Variants in STAMBPL1 observed in about 807,000 individuals in gnomAD.
STAMBPL1 encodes STAM binding protein like 1.
STAMBPL1 carries 44 observed loss-of-function variants against 52.9 expected under a neutral mutation model. The observed-to-expected ratio is 0.83, with a 90% CI of 0.65 to 1.07. The LOEUF is 1.07. Among genes scored for constraint, STAMBPL1 ranks in the 50% least tolerant of loss-of-function variants. STAMBPL1 has a pLI of 0.00. For missense variants in STAMBPL1, 511 were observed against 520.8 expected (o/e 0.98, Z 0.18); for synonymous variants, 164 against 177.3 (o/e 0.92, Z 0.60).
At chr10:88,884,802 CAAT>C (rs921750797) in intron 1 of STAMBPL1, among the ~76,000 whole-genome samples, 3 of 152,186 alleles carry the variant, frequency 2.0e-5, no homozygotes, top group African/African-American at 4.8e-5. Context: ...AAGTTTATCT[CAAT>C]GATGATGGAG....
chr10:88,901,781 C>CA, intron 2 of STAMBPL1, 43 bp downstream of exon 2: 1 of 1,586,600 alleles, frequency 6.3e-7, no homozygotes, highest in Non-Finnish European at 8.6e-7. Context: ...TTGGAAAGCC[C>CA]AAAAAGAAGA....
At chr10:88,896,074 A>G (rs1248805524) in intron 1 of STAMBPL1, among the ~76,000 whole-genome samples, 3 of 152,228 alleles carry the variant, frequency 2.0e-5, no homozygotes, top group Non-Finnish European at 2.9e-5. Flanking sequence ...CTAGTAAATG[A>G]TAATATATAG....
intron 1 of STAMBPL1, among the ~76,000 whole-genome samples, chr10:88,894,439 C>G (rs1844763125): frequency 6.6e-6 from 1 of 152,102 alleles, no homozygotes. Flanking sequence ...TCAGCTCACT[C>G]TTACCTAGAA....
intron 8 of STAMBPL1, among the ~76,000 whole-genome samples, chr10:88,917,044 C>CT (rs1845389748): frequency 6.6e-6 from 1 of 152,024 alleles, no homozygotes; most frequent in East Asian, 1.9e-4. Flanking sequence ...TAGACTGTGC[C>CT]TAAACCTGTC....
intron 8 of STAMBPL1, among the ~76,000 whole-genome samples, chr10:88,919,671 C>T (rs903498937): frequency 1.3e-5 from 2 of 152,072 alleles, no homozygotes; most frequent in African/African-American, 4.8e-5. Context: ...CCACTCATAC[C>T]CCCTACTGAA....
At chr10:88,890,950 G>A (rs915041479) in intron 1 of STAMBPL1, among the ~76,000 whole-genome samples, 2 of 152,184 alleles carry the variant, frequency 1.3e-5, no homozygotes, top group African/African-American at 4.8e-5. Context: ...CAGAGTATGT[G>A]TGTTTAATAA....
At chr10:88,908,272 G>A (rs1833095061) in intron 3 of STAMBPL1, among the ~76,000 whole-genome samples, 1 of 152,074 alleles carries the variant, frequency 6.6e-6, no homozygotes, top group Non-Finnish European at 1.5e-5. Context: ...TTTGATACAC[G>A]ATGGCGCTGC....
intron 1 of STAMBPL1, among the ~76,000 whole-genome samples, chr10:88,884,169 A>T (rs1433159415): frequency 6.6e-6 from 1 of 152,258 alleles, no homozygotes; most frequent in Admixed American, 6.5e-5. Context: ...AGATAAATAC[A>T]TAAAAGTAAA....
At position 88,914,677 on chromosome 10, in the gene STAMBPL1, A is replaced by AATATAAATATAAATAT. The variant is rs143062007; in HGVS notation, c.903+24_903+25insAATATAAATATATATA. 2 of 851,214 alleles carry AATATAAATATAAATAT rather than the reference A, an allele frequency of 2.3e-6. No individual in the cohort carries two copies. The highest frequency in any genetic ancestry group is 3.1e-6 in the Non-Finnish European group (2 of 644,074). The allele number at this position is 851,214 out of a possible 1,614,324, so 52.7% of individuals were successfully genotyped here. A position where few individuals can be genotyped will look rare whatever the true frequency, so the allele number is the denominator to read the frequency against. ...AAAACTGGTATGATCTTTTTATATA[A>AATATAAATATAAATAT]ATATATATATATATATATCTGCATA... On this transcript the variant is annotated intron_variant, in intron 7 of 10. Coordinates refer to ENST00000371926, the MANE Select transcript of STAMBPL1 (RefSeq NM_020799.4).
At chr10:88,901,122 C>G (rs1844933316) in intron 1 of STAMBPL1, 1 of 152,284 alleles carries the variant, frequency 6.6e-6, no homozygotes, top group South Asian at 2.1e-4. Flanking sequence ...GAATAATATT[C>G]CATGACCTTT....
intron 2 of STAMBPL1, among the ~76,000 whole-genome samples, chr10:88,902,737 A>G (rs190530124): frequency 2.6e-5 from 4 of 151,994 alleles, no homozygotes; most frequent in Admixed American, 2.0e-4. Flanking sequence ...CGCCCAGCTA[A>G]TTTTTTGTAT....
intron 1 of STAMBPL1, chr10:88,894,052 C>T (rs1844751229): frequency 3.9e-5 from 6 of 152,138 alleles, no homozygotes; most frequent in Admixed American, 2.6e-4. Context: ...AAATGGAAAT[C>T]ATGGTCGTAA....
intron 1 of STAMBPL1, among the ~76,000 whole-genome samples, chr10:88,885,982 TG>T (rs1205700407): frequency 2.6e-5 from 4 of 152,206 alleles, no homozygotes; most frequent in African/African-American, 9.6e-5. Flanking sequence ...TTCTTGGTCT[TG>T]TATAAAGTTG....
chr10:88,886,111 G>A (rs1237464303), intron 1 of STAMBPL1, among the ~76,000 whole-genome samples: 1 of 152,110 alleles, frequency 6.6e-6, no homozygotes, highest in African/African-American at 2.4e-5. Flanking sequence ...AGGTGAAAAC[G>A]CAAATTGGAA....
intron 7 of STAMBPL1, among the ~76,000 whole-genome samples, chr10:88,915,485 A>G (rs1845345376): frequency 6.6e-6 from 1 of 152,226 alleles, no homozygotes. Context: ...GGGCATCTAT[A>G]GTCGCCTCTG....
chr10:88,909,736 G>T (rs1161912270), intron 4 of STAMBPL1, among the ~76,000 whole-genome samples: 1 of 152,100 alleles, frequency 6.6e-6, no homozygotes, highest in Non-Finnish European at 1.5e-5. Context: ...GAGTAGCTGG[G>T]ATTACAGGCA....
chr10:88,883,824 G>A (rs1044716518), intron 1 of STAMBPL1, among the ~76,000 whole-genome samples: 21 of 152,150 alleles, frequency 1.4e-4, no homozygotes, highest in Admixed American at 2.0e-4. Flanking sequence ...TTGATTTGCT[G>A]TAGTTAACCT....
At chr10:88,920,808 A>G (rs1431875032) in intron 8 of STAMBPL1, among the ~76,000 whole-genome samples, 1 of 152,188 alleles carries the variant, frequency 6.6e-6, no homozygotes, top group Non-Finnish European at 1.5e-5. Context: ...CTATTTAGTG[A>G]AAACTTTCTT....
At chr10:88,882,954 C>T (rs1234656928) in intron 1 of STAMBPL1, 4 of 151,912 alleles carry the variant, frequency 2.6e-5, no homozygotes, top group East Asian at 3.9e-4. Context: ...TGGTGTGCTG[C>T]ACCCATTAAC....
Sources: allele counts gnomAD v4.1 joint callset (sites outside exome capture counted in the v4.1 genomes callset), GRCh38; gene constraint gnomAD v4.1.1; transcripts MANE v1.5; gene names NCBI Gene and HGNC (gene_info 2026-07-23, HGNC 2026-07-21).